PDCD11: variants seen among roughly 807,000 people sequenced by gnomAD.
PDCD11 encodes programmed cell death 11, also known as protein RRP5 homolog.
Under a neutral mutation model 198.9 loss-of-function variants are expected in PDCD11, and 97 were observed. The ratio of observed to expected loss-of-function variants is 0.49; its 90% CI spans 0.41 to 0.58. PDCD11 has a LOEUF of 0.58. Ranked by LOEUF, PDCD11 falls within the 20% of genes least tolerant of loss-of-function variation. The pLI is 0.00. For missense variants in PDCD11, 2,102 were observed against 2,312.7 expected (o/e 0.91, Z 1.87); for synonymous variants, 893 against 918.0 (o/e 0.97, Z 0.49).
intron 20 of PDCD11, 56 bp downstream of exon 20, chr10:103,425,581 G>T (rs1223678882): frequency 7.9e-6 from 12 of 1,514,914 alleles, no homozygotes; most frequent in Middle Eastern, 1.8e-4. Context: ...TGTTGTGGGA[G>T]GACTGGGAAA....
In PDCD11 at chr10:103,444,011, G is replaced by C. The variant is rs759458779; in HGVS notation, c.5221G>C (p.Ala1741Pro). ...CGCCTTCCTTCTGCGGAGGAGCCAGGCTGCAGCCAGTCACCGCGTGCTGCA... is the reference window on the plus strand; with the variant it reads ...CGCCTTCCTTCTGCGGAGGAGCCAGCCTGCAGCCAGTCACCGCGTGCTGCA... ...YGAFLLRRSQ[A>P]AASHRVLQRA... is the part of the protein sequence containing the mutation. The change falls in exon 34 of 36, where the codon GCT becomes CCT. Residue 1741 changes from alanine (A) to proline (P), a missense_variant. Transcript: ENST00000369797. 2.5e-6 allele frequency: 4 copies of C among 1,613,202 alleles called. No individual in the cohort carries two copies. The highest frequency in any genetic ancestry group is 3.4e-6 in the Non-Finnish European group (4 of 1,180,018).
intron 9 of PDCD11, 33 bp from the exon 10 acceptor site, chr10:103,413,933 C>A: frequency 6.3e-7 from 1 of 1,577,366 alleles, no homozygotes; most frequent in Non-Finnish European, 8.6e-7. Flanking sequence ...CCTGTTGTCC[C>A]TGGCTTATCC....
At chr10:103,398,617 T>G in intron 2 of PDCD11, 89 bp downstream of exon 2, 1 of 857,914 alleles carries the variant, frequency 1.2e-6, no homozygotes, top group Non-Finnish European at 1.9e-6. Flanking sequence ...AATGTGTTAT[T>G]TTTCCAGATT....
chr10:103,444,964 A>G (rs904642726), intron 35 of PDCD11, among the ~76,000 whole-genome samples: 5 of 152,238 alleles, frequency 3.3e-5, no homozygotes, highest in African/African-American at 1.2e-4. Flanking sequence ...CTACTTTCAC[A>G]GGCATTCTCT....
chr10:103,423,393 C>G (rs2031546796), intron 18 of PDCD11, 150 bp from the exon 19 acceptor site: 1 of 670,402 alleles, frequency 1.5e-6, no homozygotes, highest in East Asian at 2.7e-5. Flanking sequence ...GAGGTAGACC[C>G]TTGATTTCCC....
At chr10:103,429,110 T>C (rs2031819264) in intron 21 of PDCD11, among the ~76,000 whole-genome samples, 1 of 152,226 alleles carries the variant, frequency 6.6e-6, no homozygotes, top group South Asian at 2.1e-4. Context: ...TATGGGGATC[T>C]CGTTCACAAA....
At chr10:103,442,049 C>A in intron 31 of PDCD11, 74 bp downstream of exon 31, 1 of 1,584,124 alleles carries the variant, frequency 6.3e-7, no homozygotes, top group Non-Finnish European at 8.6e-7. Context: ...TGTTCCTAGA[C>A]TGGGTGTCTT....
At chr10:103,421,242 T>G in intron 16 of PDCD11, 106 bp from the exon 17 acceptor site, 2 of 819,890 alleles carry the variant, frequency 2.4e-6, no homozygotes, top group Non-Finnish European at 4.0e-6. Context: ...GGGAGCTTCC[T>G]AGGCCCCATT....
At chr10:103,405,205 G>A in intron 5 of PDCD11, 22 bp downstream of exon 5, 1 of 1,611,050 alleles carries the variant, frequency 6.2e-7, no homozygotes. Flanking sequence ...GGGTCGGGGA[G>A]GAAGAGTGGC....
rs182266277 is a variant in PDCD11 at position 103,401,564 on chromosome 10, C to G, written c.234+1036C>G. Among the ~76,000 whole-genome samples, 34 of 151,742 alleles carry G rather than the reference C, an allele frequency of 2.2e-4. No individual in the cohort carries two copies. The East Asian group carries it at 5.9e-3, about 26-fold the overall frequency. Reference sequence around the variant, plus strand: ...AATCACAGGCGTGAGCCACCGCGGCCAGCCTGCCTTACATTTTTAGATGAT... The same window carrying G: ...AATCACAGGCGTGAGCCACCGCGGCGAGCCTGCCTTACATTTTTAGATGAT... On this transcript the variant is annotated intron_variant, in intron 3 of 35. Transcript: ENST00000369797.
chr10:103,441,797 CT>C, intron 30 of PDCD11, 28 bp from the exon 31 acceptor site: 1 of 1,606,286 alleles, frequency 6.2e-7, no homozygotes, highest in African/African-American at 1.3e-5. Context: ...GAGCCAGGTG[CT>C]TTCTTTAGCG....
chr10:103,439,928 G>C, intron 28 of PDCD11, 60 bp downstream of exon 28: 11 of 1,595,454 alleles, frequency 6.9e-6, no homozygotes, highest in Non-Finnish European at 9.5e-6. Context: ...TTCTCCAGGA[G>C]CCCTGGGAGG....
At chr10:103,414,170 G>A in intron 10 of PDCD11, 80 bp downstream of exon 10, 1 of 1,582,682 alleles carries the variant, frequency 6.3e-7, no homozygotes, top group South Asian at 1.1e-5. Flanking sequence ...GGCTGTGCTT[G>A]GGAAGGGTTT....
At chr10:103,410,321 AG>A (rs2133689978) in intron 8 of PDCD11, among the ~76,000 whole-genome samples, 2 of 151,994 alleles carry the variant, frequency 1.3e-5, no homozygotes, top group South Asian at 4.1e-4. Context: ...GTGGAGAAGA[AG>A]GCAACTTTCA....
At chr10:103,410,939 G>C (rs2030765277) in intron 8 of PDCD11, among the ~76,000 whole-genome samples, 1 of 152,006 alleles carries the variant, frequency 6.6e-6, no homozygotes, top group Admixed American at 6.5e-5. Flanking sequence ...GCCAGACCTG[G>C]TGGTGCGTGC....
At chr10:103,397,806 A>G (rs912020049) in intron 1 of PDCD11, among the ~76,000 whole-genome samples, 12 of 152,218 alleles carry the variant, frequency 7.9e-5, no homozygotes, top group African/African-American at 2.9e-4. Context: ...CTCAGAGACA[A>G]CAGCAAGCCT....
At chr10:103,432,813 A>G (rs11191688) in intron 22 of PDCD11, among the ~76,000 whole-genome samples, 51,626 of 151,978 alleles carry the variant, frequency 0.34, 9,209 homozygotes, top group South Asian at 0.5. Context: ...ACATTCATAC[A>G]CCCCAGATGC....
chr10:103,403,177 GGTGATTA>G lies in PDCD11; in HGVS notation c.297_303del (p.Ile100SerfsTer22). ...TGAAAGAGGTGAATGAACTGGAACT[GGTGATTA>G]GTCTCCCCAATGGCCTCCAGGGCTT... On this transcript the variant is annotated frameshift_variant, in exon 4 of 36. Coordinates refer to ENST00000369797, the MANE Select transcript of PDCD11 (RefSeq NM_014976.2). LOFTEE classifies it high-confidence loss of function. The G allele has an allele frequency of 1.2e-6, 2 of 1,614,154 alleles. No homozygotes were observed. The highest frequency in any genetic ancestry group is 1.7e-6 in the Non-Finnish European group (2 of 1,179,996).
At chr10:103,415,906 G>A (rs763595312) in intron 12 of PDCD11, among the ~76,000 whole-genome samples, 8 of 152,178 alleles carry the variant, frequency 5.3e-5, no homozygotes, top group African/African-American at 1.2e-4. Flanking sequence ...AGTGCTCCAC[G>A]GGCAGGCACT....
Sources: gnomAD v4.1 joint callset for allele counts (sites outside exome capture counted in the v4.1 genomes callset) on GRCh38, gnomAD v4.1.1 for gene constraint, MANE v1.5 for transcripts, NCBI Gene and HGNC (gene_info 2026-07-23, HGNC 2026-07-21) for gene names.